DRICH1: variants seen among roughly 807,000 people sequenced by gnomAD.
DRICH1 encodes aspartate-rich protein 1.
DRICH1 carries 38 observed loss-of-function variants against 39.5 expected under a neutral mutation model. That is an observed-to-expected ratio of 0.96 (90% CI 0.74 to 1.26). The LOEUF (loss-of-function observed/expected upper bound fraction) is 1.26. Among genes scored for constraint, DRICH1 ranks in the 50% most tolerant of loss-of-function variants. The pLI is 0.00. For missense variants in DRICH1, 279 were observed against 270.4 expected (o/e 1.03, Z -0.22); for synonymous variants, 84 against 99.5 (o/e 0.84, Z 0.93).
the DRICH1 span, among the ~76,000 whole-genome samples, chr22:23,589,624 T>TA: frequency 1.3e-5 from 2 of 152,126 alleles, no homozygotes. Context: ...GAGAAAGTGT[T>TA]ACTAGTGTTA....
chr22:23,601,357 A>AG, the DRICH1 span, among the ~76,000 whole-genome samples: 2 of 152,240 alleles, frequency 1.3e-5, no homozygotes, highest in East Asian at 3.8e-4. Flanking sequence ...TTACATACTT[A>AG]GACTCCTAGT....
the DRICH1 span, chr22:23,583,777 C>T: frequency 6.6e-6 from 1 of 152,524 alleles, no homozygotes; most frequent in African/African-American, 2.4e-5. Flanking sequence ...GAGCCTTGGT[C>T]CACTGCTGCC....
intron 11 of DRICH1, 60 bp from the exon 12 acceptor site, chr22:23,608,828 C>G: frequency 6.5e-7 from 1 of 1,535,678 alleles, no homozygotes; most frequent in South Asian, 1.2e-5. Flanking sequence ...TGCACTATGA[C>G]ATCATCCCAC....
intron 5 of DRICH1, 112 bp from the exon 6 acceptor site, chr22:23,619,505 T>A: frequency 1.4e-6 from 1 of 722,342 alleles, no homozygotes; most frequent in South Asian, 1.5e-5. Context: ...TTCATGAGAT[T>A]GAAATCTACA....
the DRICH1 span, among the ~76,000 whole-genome samples, chr22:23,581,853 C>T: frequency 6.6e-6 from 1 of 152,012 alleles, no homozygotes; most frequent in East Asian, 1.9e-4. Context: ...ATCCACCCGC[C>T]TGGGCCTCCC....
At chr22:23,616,041 G>A (rs867694060) in intron 8 of DRICH1, among the ~76,000 whole-genome samples, 1 of 152,176 alleles carries the variant, frequency 6.6e-6, no homozygotes, top group African/African-American at 2.4e-5. Context: ...AGCCCAGAGT[G>A]TATTTTCATT....
chr22:23,624,876 T>C lies in DRICH1; in HGVS notation c.298+7A>G. On this transcript the variant is annotated splice_region_variant and intron_variant, in intron 3 of 11. Coordinates refer to ENST00000317749, the MANE Select transcript of DRICH1 (RefSeq NM_016449.4). ...TCTCAGAAAGTGAGTTAGTTCAAGG[T>C]ACGTACCCTGGACAGGTGATGGTAA... 1 of 1,613,344 alleles carries C rather than the reference T, an allele frequency of 6.2e-7. No individual in the cohort carries two copies. Among genetic ancestry groups the C allele is most frequent in the Non-Finnish European group, 8.5e-7 (1 of 1,179,320 alleles).
chr22:23,627,068 ATTT>A lies in DRICH1; in HGVS notation c.209-1023_209-1021del, dbSNP rs141545226. Among the ~76,000 whole-genome samples, 488 of 127,312 alleles carry A rather than the reference ATTT, an allele frequency of 3.8e-3. 4 individuals are homozygous for A. The highest frequency in any genetic ancestry group is 0.013 in the South Asian group (51 of 4,068). 83.5% of individuals were successfully genotyped at this position (127,312 alleles called of 152,430 possible). A position where few individuals can be genotyped will look rare whatever the true frequency, so the allele number is the denominator to read the frequency against. On this transcript the variant is annotated intron_variant, in intron 1 of 11. Transcript: ENST00000317749. Reference sequence around the variant, plus strand: ...CGGTGGCTGTTGTGATGAGGTTCTGATTTTTTTTTTTTTTTTTTTTTGAGACGG... The same window carrying A: ...CGGTGGCTGTTGTGATGAGGTTCTGATTTTTTTTTTTTTTTTTTGAGACGG...
At chr22:23,609,374 AC>A (rs1236894002) in intron 11 of DRICH1, among the ~76,000 whole-genome samples, 1 of 152,190 alleles carries the variant, frequency 6.6e-6, no homozygotes, top group African/African-American at 2.4e-5. Flanking sequence ...GGGGCATCAT[AC>A]TGAAAATAAG....
Position 23,622,721 on chromosome 22 carries a change from T to G in DRICH1, c.299-545A>C, listed in dbSNP as rs117276068. ...AAAATGCTACAATTAAAAATAGTCA[T>G]GATTTCCTCTTTGTAAGTCTTCTTC... On this transcript the variant is annotated intron_variant, in intron 3 of 11. Transcript: ENST00000317749. Among the ~76,000 whole-genome samples the G allele has an allele frequency of 8.7e-4, 76 of 86,926 alleles. 1 individual carries two copies. The East Asian group carries it at 0.031, about 35-fold the overall frequency. The allele number at this position is 86,926 out of a possible 152,430, so 57.0% of individuals were successfully genotyped here.
rs143608646 is a variant in DRICH1, at chr22:23,620,086, T to A, written c.406+508A>T. ...AAGCAAGAAGAGGTGAACAAAAACA[T>A]AGGATACTCAAAAGCCCATAAACAT... On this transcript the variant is annotated intron_variant, in intron 5 of 11. Coordinates refer to ENST00000317749, the MANE Select transcript of DRICH1 (RefSeq NM_016449.4). Among the ~76,000 whole-genome samples, 126 of 152,194 alleles carry A rather than the reference T, an allele frequency of 8.3e-4. 1 individual carries two copies. Among genetic ancestry groups the A allele is most frequent in the African/African-American group, 2.8e-3 (117 of 41,526 alleles).
the DRICH1 span, among the ~76,000 whole-genome samples, chr22:23,592,284 G>C: frequency 6.6e-6 from 1 of 152,214 alleles, no homozygotes; most frequent in African/African-American, 2.4e-5. Flanking sequence ...TACAAGGGCA[G>C]TCAGGTCAGG....
In DRICH1 at chr22:23,617,585, T is replaced by A; in HGVS notation, c.509A>T (p.Asp170Val). The change falls in exon 7 of 12, where the codon GAT becomes GTT. Residue 170 changes from aspartate (D) to valine (V), a missense_variant. By Grantham distance (152) the Asp-to-Val change is radical. Transcript: ENST00000317749. ...SEDDDCDDDD[D>V]DAQILPSPVQ... ...GAAAGGTTGTCTTACCTGGGCATCA[T>A]CATCATCATCATCACAGTCATCATC... is the stretch of plus-strand genomic sequence containing the variant. The A allele has an allele frequency of 6.2e-7, 1 of 1,613,692 alleles. No homozygotes were observed. Among genetic ancestry groups the A allele is most frequent in the Admixed American group, 1.7e-5 (1 of 60,008 alleles).
the DRICH1 span, among the ~76,000 whole-genome samples, chr22:23,591,773 G>T: frequency 3.3e-5 from 5 of 152,146 alleles, no homozygotes; most frequent in African/African-American, 9.7e-5. Flanking sequence ...GCGTTAAGGC[G>T]ACATGAAAAC....
downstream of DRICH1, among the ~76,000 whole-genome samples, chr22:23,605,543 G>A (rs1392020455): frequency 6.6e-6 from 1 of 152,030 alleles, no homozygotes; most frequent in African/African-American, 2.4e-5. Flanking sequence ...GAGGGGGAGA[G>A]GAAGGGAGAA....
chr22:23,581,971 A>G, the DRICH1 span, among the ~76,000 whole-genome samples: 2 of 150,698 alleles, frequency 1.3e-5, no homozygotes, highest in African/African-American at 2.5e-5. Context: ...TGCAACCATC[A>G]CCACCATCCA....
the DRICH1 span, among the ~76,000 whole-genome samples, chr22:23,603,310 A>G: frequency 1.2e-4 from 18 of 146,646 alleles, no homozygotes; most frequent in Admixed American, 4.1e-4. Flanking sequence ...GGTGCCCCCA[A>G]TTCAGCTTCA....
At chr22:23,622,326 T>C in intron 3 of DRICH1, 150 bp from the exon 4 acceptor site, 1 of 761,002 alleles carries the variant, frequency 1.3e-6, no homozygotes, top group Non-Finnish European at 2.3e-6. Context: ...GGAAGAGGGA[T>C]GGCAGAGGAG....
At chr22:23,588,030 C>T in the DRICH1 span, among the ~76,000 whole-genome samples, 5 of 152,300 alleles carry the variant, frequency 3.3e-5, no homozygotes, top group Admixed American at 2.0e-4. Flanking sequence ...ATGCTATATT[C>T]GCATGGAGCC....
Sources: gnomAD v4.1 joint callset for allele counts (sites outside exome capture counted in the v4.1 genomes callset) on GRCh38, gnomAD v4.1.1 for gene constraint, MANE v1.5 for transcripts, NCBI Gene and HGNC (gene_info 2026-07-23, HGNC 2026-07-21) for gene names.